Variants in SPAG11B observed in about 807,000 individuals in gnomAD.
The protein encoded by SPAG11B is sperm associated antigen 11B.
SPAG11B carries 5 observed loss-of-function variants against 8.9 expected under a neutral mutation model. The ratio of observed to expected loss-of-function variants is 0.56; its 90% CI spans 0.29 to 1.19. SPAG11B has a LOEUF of 1.19. Among genes scored for constraint, SPAG11B ranks in the 50% most tolerant of loss-of-function variants. SPAG11B has a pLI of 0.08. For synonymous variants in SPAG11B, 12 were observed against 53.0 expected (o/e 0.23, Z 3.36); for missense variants, 38 against 146.4 (o/e 0.26, Z 3.82).
At chr8:7,448,401 G>A (rs1180133792), downstream of SPAG11B, among the ~76,000 whole-genome samples, 1 of 151,992 alleles carries the variant, frequency 6.6e-6, no homozygotes, top group Non-Finnish European at 1.5e-5. Context: ...CGGGATGCCT[G>A]CCTGACCCAA....
rs554779166 is a variant in SPAG11B, at chr8:7,454,132, C to T, written c.215-3232G>A. The stretch of plus-strand genomic sequence containing the variant: ...AGAAAGAAAAGCAATTTCATTTGCC[C>T]CTTAGGGAAATTGGCTTCCACACCA... On this transcript the variant is annotated intron_variant, in intron 2 of 2. Coordinates refer to ENST00000398462, the MANE Select transcript of SPAG11B (RefSeq NM_058201.4). Among the ~76,000 whole-genome samples the T allele has an allele frequency of 2.4e-5, 3 of 125,824 alleles. No individual in the cohort carries two copies. In the South Asian group the frequency reaches 7.9e-4, roughly 33 times the overall value. The allele number at this position is 125,824 out of a possible 152,430, so 82.5% of individuals were successfully genotyped here.
At chr8:7,453,241 T>C (rs1168245749) in intron 2 of SPAG11B, among the ~76,000 whole-genome samples, 1 of 143,300 alleles carries the variant, frequency 7.0e-6, no homozygotes, top group Non-Finnish European at 1.5e-5. Flanking sequence ...TGTGTGTGGG[T>C]TTATATAATG....
In SPAG11B at chr8:7,450,892, G is replaced by A. The variant is rs757921336; in HGVS notation, c.223C>T (p.Pro75Ser). Residue 75 changes from proline to serine, a missense_variant, in exon 3 of 3, where the codon CCA becomes TCA. Physicochemically the swap from Pro to Ser is moderately conservative, Grantham distance 74. Around this residue, in one of 3 missense-constraint regions of SPAG11B, gnomAD observed 29 missense variants for 28.0 expected, o/e 1.03. Coordinates refer to ENST00000398462, the MANE Select transcript of SPAG11B (RefSeq NM_058201.4). ...PRTPPYQGDV[P>S]PGIRNTICHM... The stretch of plus-strand genomic sequence containing the variant: ...CAGATGGTATTTCTAATTCCCGGTG[G>A]AACATCCCCTATGGATACAACAGAA... The A allele has an allele frequency of 3.9e-6, 6 of 1,554,198 alleles. No individual in the cohort carries two copies. The highest frequency in any genetic ancestry group is 5.3e-6 in the Non-Finnish European group (6 of 1,140,998).
Position 7,450,988 on chromosome 8 carries a change from A to G in SPAG11B, c.215-88T>C, listed in dbSNP as rs1810109409. 3 of 1,525,022 alleles carry G rather than the reference A, an allele frequency of 2.0e-6. 1 individual carries two copies. The highest frequency in any genetic ancestry group is 4.0e-5 in the Admixed American group (2 of 49,830). The allele number at this position is 1,525,022 out of a possible 1,614,324, so 94.5% of individuals were successfully genotyped here. On this transcript the variant is annotated intron_variant, in intron 2 of 2. Coordinates refer to ENST00000398462, the MANE Select transcript of SPAG11B (RefSeq NM_058201.4). ...CCCAGCCCGCTGCCAAGGGTTATAT[A>G]TTCTGACAAGGCTAAGTACTTTTGG...
downstream of SPAG11B, among the ~76,000 whole-genome samples, chr8:7,449,909 G>T (rs1585500541): frequency 7.4e-6 from 1 of 135,716 alleles, no homozygotes; most frequent in East Asian, 2.0e-4. Context: ...CTTGTAATTG[G>T]TGTTCACTAC....
chr8:7,451,242 A>G, intron 2 of SPAG11B: 2 of 1,367,784 alleles, frequency 1.5e-6, no homozygotes, highest in East Asian at 4.6e-5. Context: ...GAAGTGGTCC[A>G]GAATAGGACA....
intron 2 of SPAG11B, among the ~76,000 whole-genome samples, chr8:7,457,880 G>T: frequency 6.6e-6 from 1 of 151,374 alleles, no homozygotes; most frequent in Non-Finnish European, 1.5e-5. Flanking sequence ...AGCCTGGAAA[G>T]GTGGCATTCT....
intron 2 of SPAG11B, among the ~76,000 whole-genome samples, chr8:7,452,873 G>C (rs1459330914): frequency 4.6e-5 from 6 of 131,022 alleles, no homozygotes; most frequent in Non-Finnish European, 9.7e-5. Context: ...AAAACACAAT[G>C]TATTTCCACA....
chr8:7,451,674 C>A (rs1810179642), intron 2 of SPAG11B, among the ~76,000 whole-genome samples: 1 of 129,674 alleles, frequency 7.7e-6, no homozygotes, highest in Admixed American at 8.3e-5. Flanking sequence ...CACCTTTAGT[C>A]AAGACAGAAG....
At chr8:7,448,907 G>A (rs1248946318), downstream of SPAG11B, among the ~76,000 whole-genome samples, 2 of 144,400 alleles carry the variant, frequency 1.4e-5, no homozygotes, top group African/African-American at 2.6e-5. Flanking sequence ...CTTACAGGTG[G>A]ACAAACACTT....
At chr8:7,449,971 G>A (rs1286729196), downstream of SPAG11B, among the ~76,000 whole-genome samples, 2 of 130,420 alleles carry the variant, frequency 1.5e-5, no homozygotes, top group Non-Finnish European at 3.3e-5. Flanking sequence ...AAAGGCAAAA[G>A]GCAGCTAAGC....
Position 7,452,893 on chromosome 8 carries a change from G to C in SPAG11B, c.215-1993C>G, listed in dbSNP as rs868598528. On this transcript the variant is annotated intron_variant, in intron 2 of 2. Coordinates refer to ENST00000398462, the MANE Select transcript of SPAG11B (RefSeq NM_058201.4). Reference sequence around the variant, plus strand: ...ACAATGTATTTCCACACCACAACAAGAATAGAAAAACAAGAAGATGTGTAC... The same window carrying C: ...ACAATGTATTTCCACACCACAACAACAATAGAAAAACAAGAAGATGTGTAC... Among the ~76,000 whole-genome samples, 705 of 135,666 alleles carry C rather than the reference G, an allele frequency of 5.2e-3. 11 individuals carry two copies. Among genetic ancestry groups the C allele is most frequent in the African/African-American group, 0.019 (658 of 34,074 alleles). 89.0% of individuals were successfully genotyped at this position (135,666 alleles called of 152,430 possible).
intron 2 of SPAG11B, among the ~76,000 whole-genome samples, chr8:7,451,379 G>C (rs1011888756): frequency 2.3e-5 from 3 of 129,822 alleles, no homozygotes; most frequent in African/African-American, 9.2e-5. Context: ...CTGTGGGCTT[G>C]TAAGTCACAA....
downstream of SPAG11B, among the ~76,000 whole-genome samples, chr8:7,448,941 A>T (rs1809967764): frequency 7.0e-6 from 1 of 143,178 alleles, no homozygotes; most frequent in Admixed American, 7.1e-5. Flanking sequence ...TTTACATAAG[A>T]GGGAGATGAC....
chr8:7,458,693 TAGAA>T (rs1462787680), intron 2 of SPAG11B, among the ~76,000 whole-genome samples: 1 of 91,296 alleles, frequency 1.1e-5, no homozygotes, highest in African/African-American at 4.7e-5. Flanking sequence ...AAAAAAAAAA[TAGAA>T]GGGCTCTACA....
At chr8:7,448,319 A>AT (rs1809927556), downstream of SPAG11B, among the ~76,000 whole-genome samples, 1 of 135,988 alleles carries the variant, frequency 7.4e-6, no homozygotes. Flanking sequence ...AAAAAAAAAA[A>AT]AAAAAAAAAA....
intron 2 of SPAG11B, among the ~76,000 whole-genome samples, chr8:7,454,005 G>A (rs1258151965): frequency 2.9e-5 from 4 of 136,464 alleles, no homozygotes; most frequent in African/African-American, 8.9e-5. Context: ...GTCCAACTCA[G>A]TACTTTAAGA....
At chr8:7,450,439 T>C (rs1810045196), downstream of SPAG11B, 1 of 893,754 alleles carries the variant, frequency 1.1e-6, no homozygotes, top group Middle Eastern at 3.9e-4. Context: ...TGAAAATCAG[T>C]TTGGAGCTCG....
rs1810589599 is a variant in SPAG11B at position 7,458,650 on chromosome 8, C to G, written c.214+4057G>C. Among the ~76,000 whole-genome samples, 4 of 111,160 alleles carry G rather than the reference C, an allele frequency of 3.6e-5. No homozygotes were observed. In the South Asian group the frequency reaches 1.2e-3, roughly 33 times the overall value. The allele number at this position is 111,160 out of a possible 152,430, so 72.9% of individuals were successfully genotyped here. A position where few individuals can be genotyped will look rare whatever the true frequency, so the allele number is the denominator to read the frequency against. ...TTAAAAATAATTAAAAATCTAATAA[C>G]TGAACTTCAAAATCCAAAAATAGTA... is the stretch of plus-strand genomic sequence containing the variant. On this transcript the variant is annotated intron_variant, in intron 2 of 2. Coordinates refer to ENST00000398462, the MANE Select transcript of SPAG11B (RefSeq NM_058201.4).
Sources: gnomAD v4.1 joint callset for allele counts (sites outside exome capture counted in the v4.1 genomes callset) on GRCh38, gnomAD v4.1.1 for gene constraint, gnomAD v4.1.1 regional missense constraint, MANE v1.5 for transcripts, NCBI Gene and HGNC (gene_info 2026-07-23, HGNC 2026-07-21) for gene names.